The following PBX1 variants were observed in gnomAD, a reference collection of about 807,000 sequenced individuals.
The protein encoded by PBX1 is pre-B-cell leukemia transcription factor 1.
In PBX1, 6 loss-of-function variants were observed where a neutral mutation model predicts 53.4. That is an observed-to-expected ratio of 0.11 (90% CI 0.06 to 0.22). The LOEUF (loss-of-function observed/expected upper bound fraction) is 0.22. PBX1 is among the 10% of genes least tolerant of loss of function. The probability of loss-of-function intolerance (pLI) is 1.00; values close to 1 mark genes in which losing one functional copy is unlikely to be tolerated. For missense variants in PBX1, 251 were observed against 551.4 expected (o/e 0.46, Z 5.46); for synonymous variants, 204 against 212.3 (o/e 0.96, Z 0.34).
At chr1:164,590,317 G>C (rs1043753726) in intron 2 of PBX1, 13 of 455,572 alleles carry the variant, frequency 2.9e-5, no homozygotes, top group Non-Finnish European at 5.3e-5. Context: ...GATTGTCCCA[G>C]CCTCATTAGG....
chr1:164,743,562 G>A (rs1008986897), intron 2 of PBX1, among the ~76,000 whole-genome samples: 1 of 152,110 alleles, frequency 6.6e-6, no homozygotes, highest in Non-Finnish European at 1.5e-5. Flanking sequence ...TTCCAAAATT[G>A]ATGCTAAGGG....
intron 2 of PBX1, chr1:164,625,869 T>A: frequency 1.1e-6 from 1 of 923,930 alleles, no homozygotes; most frequent in Non-Finnish European, 1.3e-6. Flanking sequence ...CCCACCCTCC[T>A]TCTGCCTTTC....
chr1:164,884,493 A>T (rs1258009942), intron 2 of PBX1: 4 of 482,446 alleles, frequency 8.3e-6, no homozygotes, highest in Admixed American at 2.4e-5. Flanking sequence ...ATCTGTGGAT[A>T]GGGGGTGTTA....
chr1:164,707,863 G>A (rs1571259603), intron 2 of PBX1, among the ~76,000 whole-genome samples: 1 of 152,204 alleles, frequency 6.6e-6, no homozygotes, highest in African/African-American at 2.4e-5. Context: ...TAAGAACCAA[G>A]CAAATGCTTT....
intron 2 of PBX1, among the ~76,000 whole-genome samples, chr1:164,661,081 AC>A (rs1660459989): frequency 6.6e-6 from 1 of 152,214 alleles, no homozygotes; most frequent in African/African-American, 2.4e-5. Flanking sequence ...ATTTAAGTAA[AC>A]ACAGACTGGA....
intron 2 of PBX1, chr1:164,625,823 A>AG: frequency 2.0e-6 from 1 of 496,602 alleles, no homozygotes; most frequent in Non-Finnish European, 2.6e-6. Flanking sequence ...AAAAAAAAAA[A>AG]AGAAAAAAAA....
chr1:164,771,908 G>T (rs539623394), intron 2 of PBX1, among the ~76,000 whole-genome samples: 3 of 152,286 alleles, frequency 2.0e-5, no homozygotes, highest in Non-Finnish European at 4.4e-5. Flanking sequence ...AGGCCGGAAG[G>T]GGGGCTGGGC....
chr1:164,677,428 A>G (rs2101987830), intron 2 of PBX1, among the ~76,000 whole-genome samples: 1 of 152,148 alleles, frequency 6.6e-6, no homozygotes, highest in South Asian at 2.1e-4. Context: ...CATCATTTGC[A>G]CCATTTACAA....
At chr1:164,579,073 G>T (rs1654443890) in intron 2 of PBX1, among the ~76,000 whole-genome samples, 1 of 152,026 alleles carries the variant, frequency 6.6e-6, no homozygotes, top group South Asian at 2.1e-4. Context: ...TGCTCACCTG[G>T]GCAGCTTAAG....
intron 2 of PBX1, among the ~76,000 whole-genome samples, chr1:164,619,613 C>T (rs1165487636): frequency 6.6e-6 from 1 of 152,122 alleles, no homozygotes; most frequent in Non-Finnish European, 1.5e-5. Context: ...AGTTCACCTC[C>T]CTTGGGTCAT....
At chr1:164,863,675 A>C (rs1672148377) in intron 2 of PBX1, among the ~76,000 whole-genome samples, 1 of 152,338 alleles carries the variant, frequency 6.6e-6, no homozygotes, top group South Asian at 2.1e-4. Context: ...AATTAGTTAA[A>C]TATGGACAGA....
chr1:164,591,442 CT>C (rs1478370135), intron 2 of PBX1, among the ~76,000 whole-genome samples: 3 of 152,232 alleles, frequency 2.0e-5, no homozygotes, highest in South Asian at 2.1e-4. Context: ...GAAAACTTAC[CT>C]TTTCACCCAT....
At chr1:164,608,606 T>C (rs550681859) in intron 2 of PBX1, among the ~76,000 whole-genome samples, 3 of 152,350 alleles carry the variant, frequency 2.0e-5, no homozygotes, top group South Asian at 2.1e-4. Context: ...AATAGAGATA[T>C]TTATTACTAA....
At chr1:164,739,983 T>C (rs1327118861) in intron 2 of PBX1, among the ~76,000 whole-genome samples, 3 of 152,288 alleles carry the variant, frequency 2.0e-5, no homozygotes, top group Admixed American at 1.3e-4. Context: ...TCTCTGTCTC[T>C]TTATGTAGGA....
intron 2 of PBX1, among the ~76,000 whole-genome samples, chr1:164,868,079 G>C (rs1571544756): frequency 6.6e-6 from 1 of 152,166 alleles, no homozygotes; most frequent in African/African-American, 2.4e-5. Flanking sequence ...TTTCATGTGG[G>C]AGGAAGAAGA....
At chr1:164,567,912 T>C (rs1653549819) in intron 2 of PBX1, among the ~76,000 whole-genome samples, 1 of 152,128 alleles carries the variant, frequency 6.6e-6, no homozygotes, top group Non-Finnish European at 1.5e-5. Context: ...ACATAGAACC[T>C]TGTGAACTAA....
Position 164,807,508 on chromosome 1 carries a change from C to T in PBX1, c.702-34C>T, listed in dbSNP as rs201635672. 59 of 1,604,890 alleles carry T rather than the reference C, an allele frequency of 3.7e-5. No individual in the cohort carries two copies. In the African/African-American group the frequency reaches 7.6e-4, roughly 21 times the overall value. On this transcript the variant is annotated intron_variant, in intron 4 of 8. Transcript: ENST00000420696. ...CCATTTTATATTTATTTGGTGTGAG[C>T]CTTTTTGTTATTATTTCCTTTCTCT...
At chr1:164,874,489 C>G (rs753477981) in intron 2 of PBX1, among the ~76,000 whole-genome samples, 6 of 151,926 alleles carry the variant, frequency 3.9e-5, no homozygotes, top group African/African-American at 7.3e-5. Context: ...TCGTTTGTTT[C>G]TTTCTTTCTT....
chr1:164,870,329 C>CTTTCTTTCTTTCTTTCTTTT (rs1672345323), intron 2 of PBX1, among the ~76,000 whole-genome samples: 1 of 103,284 alleles, frequency 9.7e-6, no homozygotes, highest in Non-Finnish European at 1.9e-5. Context: ...TTCTTTCTTT[C>CTTTCTTTCTTTCTTTCTTTT]TTTCTTTCTT....
Sources: allele counts gnomAD v4.1 joint callset (sites outside exome capture counted in the v4.1 genomes callset), GRCh38; gene constraint gnomAD v4.1.1; transcripts MANE v1.5; gene names NCBI Gene and HGNC (gene_info 2026-07-23, HGNC 2026-07-21).